Variants in ZNF212 observed in about 807,000 individuals in gnomAD.
The protein encoded by ZNF212 is zinc finger protein 212, also known as Zinc finger protein C2H2-150.
A neutral mutation model predicts 47.3 loss-of-function variants in ZNF212; 32 were observed. That is an observed-to-expected ratio of 0.68 (90% confidence interval 0.51 to 0.91). ZNF212 has a LOEUF of 0.91. ZNF212 is among the 40% of genes least tolerant of loss of function. The pLI is 0.00. For missense variants in ZNF212, 555 were observed against 622.8 expected, an observed-to-expected ratio of 0.89 and a Z score of 1.16; for synonymous variants, 242 against 253.8, an observed-to-expected ratio of 0.95 and a Z score of 0.44.
At chr7:149,240,671 TAAC>T (rs1445015809) in intron 1 of ZNF212, among the ~76,000 whole-genome samples, 1 of 152,206 alleles carries the variant, frequency 6.6e-6, no homozygotes, top group Non-Finnish European at 1.5e-5. Flanking sequence ...GTGGTTAATT[TAAC>T]AACACCAGAG....
At position 149,250,800 on chromosome 7, in the gene ZNF212, C is replaced by T; in HGVS notation, c.534C>T (p.Val178=). The stretch of plus-strand genomic sequence containing the variant: ...TGGAGAGTAACTATGAGACACTGGT[C>T]TCTCTGAGTGAGTAGCAGTTTTCTC... The part of the protein sequence containing the change: ...NVMESNYETL[V]SLKVLGQTEG... The change falls in exon 3 of 5, where the codon GTC becomes GTT. Residue 178 remains valine, a synonymous_variant. Coordinates refer to ENST00000335870, the MANE Select transcript of ZNF212 (RefSeq NM_012256.4). 1.9e-6 allele frequency: 3 copies of T among 1,614,182 alleles called. No individual in the cohort carries two copies. The highest frequency in any genetic ancestry group is 2.5e-6 in the Non-Finnish European group (3 of 1,180,040).
intron 1 of ZNF212, among the ~76,000 whole-genome samples, chr7:149,248,055 A>C (rs1796701827): frequency 6.6e-6 from 1 of 152,200 alleles, no homozygotes; most frequent in Non-Finnish European, 1.5e-5. Context: ...AACCCACTGT[A>C]GTGGGAACTA....
chr7:149,242,450 A>G (rs1796607658), intron 1 of ZNF212, among the ~76,000 whole-genome samples: 1 of 152,174 alleles, frequency 6.6e-6, no homozygotes, highest in African/African-American at 2.4e-5. Context: ...GTAGAATGAT[A>G]TTGTCAATAG....
intron 1 of ZNF212, among the ~76,000 whole-genome samples, chr7:149,241,610 G>T (rs985190252): frequency 6.6e-6 from 1 of 152,160 alleles, no homozygotes; most frequent in African/African-American, 2.4e-5. Context: ...AACTGAAAAT[G>T]CTGGAAAACC....
At chr7:149,241,903 C>G (rs1355385886) in intron 1 of ZNF212, among the ~76,000 whole-genome samples, 1 of 152,152 alleles carries the variant, frequency 6.6e-6, no homozygotes. Flanking sequence ...TAAGGTCTGA[C>G]CTTCAGATGA....
intron 1 of ZNF212, 92 bp from the exon 2 acceptor site, chr7:149,250,067 A>G: frequency 1.6e-6 from 2 of 1,246,762 alleles, no homozygotes; most frequent in Non-Finnish European, 2.1e-6. Context: ...ATTAAAAGAA[A>G]CTAGATAACT....
intron 1 of ZNF212, among the ~76,000 whole-genome samples, chr7:149,246,042 GTT>G (rs1796671505): frequency 6.6e-6 from 1 of 152,132 alleles, no homozygotes; most frequent in African/African-American, 2.4e-5. Context: ...AGGTGGTTGT[GTT>G]TTCATTTGTT....
At chr7:149,245,987 G>T (rs1796670596) in intron 1 of ZNF212, among the ~76,000 whole-genome samples, 1 of 152,148 alleles carries the variant, frequency 6.6e-6, no homozygotes, top group South Asian at 2.1e-4. Context: ...TCAGTCTGAT[G>T]GGTGAACGTG....
chr7:149,240,335 T>A (rs1023008013), intron 1 of ZNF212, among the ~76,000 whole-genome samples: 1 of 152,086 alleles, frequency 6.6e-6, no homozygotes, highest in African/African-American at 2.4e-5. Flanking sequence ...TTATCTACAG[T>A]GCAGTTGCTG....
rs1053298 is a variant in ZNF212 at position 149,254,901 on chromosome 7, G to T, written c.*486G>T. 62,762 of 153,510 alleles carry T rather than the reference G, an allele frequency of 0.41. 13,314 individuals carry two copies. Among genetic ancestry groups the T allele is most frequent in the African/African-American group, 0.5 (20,850 of 41,512 alleles). The allele number at this position is 153,510 out of a possible 1,614,324, so 9.5% of individuals were successfully genotyped here. On this transcript the variant is annotated 3_prime_UTR_variant, in exon 5 of 5. Transcript: ENST00000335870. This position sits in a 1 kb window ranked among gnomAD's most constrained non-coding sequence, Gnocchi z 4.5. ...ATGAACTGCTTAGCCCTGCTCTGAA[G>T]AACCTTTTTTGGAATTAGATTTTAG...
chr7:149,239,909 G>A (rs1258684414), intron 1 of ZNF212, 107 bp downstream of exon 1: 3 of 1,228,190 alleles, frequency 2.4e-6, no homozygotes, highest in Non-Finnish European at 3.1e-6. Flanking sequence ...TTGGTTTCCC[G>A]GGGCTGCCGT....
chr7:149,251,678 G>C (rs1044786359), intron 3 of ZNF212, among the ~76,000 whole-genome samples: 2 of 151,344 alleles, frequency 1.3e-5, no homozygotes, highest in African/African-American at 2.4e-5. Context: ...TTGTAGAGAC[G>C]TGGGTCTTAC....
intron 1 of ZNF212, among the ~76,000 whole-genome samples, chr7:149,247,545 A>G (rs1243385753): frequency 6.6e-6 from 1 of 152,224 alleles, no homozygotes; most frequent in Non-Finnish European, 1.5e-5. Context: ...TAAGCTATAT[A>G]GGAAAAATAC....
chr7:149,251,550 C>T (rs946283653), intron 3 of ZNF212, among the ~76,000 whole-genome samples: 1 of 133,896 alleles, frequency 7.5e-6, no homozygotes, highest in African/African-American at 2.9e-5. Flanking sequence ...TGCAGTGGTA[C>T]GATCTCGGCT....
At position 149,253,906 on chromosome 7, in the gene ZNF212, T is replaced by C; in HGVS notation, c.979T>C (p.Tyr327His). ...TTCTGAGTGTGAGATCACCTTCCGC[T>C]ATAAGCAGCAGCTGGCCACACATCT... The part of the protein sequence containing the change: ...ECSECEITFR[Y>H]KQQLATHLRS... Residue 327 changes from tyrosine (Y) to histidine (H), a missense_variant, in exon 5 of 5, where the codon TAT becomes CAT. Physicochemically the swap from Tyr to His is moderately conservative, Grantham distance 83 (BLOSUM62 2). Coordinates refer to ENST00000335870, the MANE Select transcript of ZNF212 (RefSeq NM_012256.4). 6.2e-7 allele frequency: 1 copy of C among 1,613,992 alleles called. No individual in the cohort carries two copies. The highest frequency in any genetic ancestry group is 8.5e-7 in the Non-Finnish European group (1 of 1,180,010).
intron 1 of ZNF212, 128 bp downstream of exon 1, chr7:149,239,930 G>T: frequency 9.1e-7 from 1 of 1,097,800 alleles, no homozygotes; most frequent in Non-Finnish European, 1.2e-6. Flanking sequence ...TGGCGCGGGT[G>T]AACGCGGACC....
chr7:149,241,069 A>G (rs908052294), intron 1 of ZNF212, among the ~76,000 whole-genome samples: 1 of 152,206 alleles, frequency 6.6e-6, no homozygotes. Flanking sequence ...ATTCTGCCAC[A>G]GTTCTTCCTG....
chr7:149,251,491 CTTTTTTTTTTTTT>C (rs71194634), intron 3 of ZNF212, among the ~76,000 whole-genome samples: 1 of 77,434 alleles, frequency 1.3e-5, no homozygotes, highest in Non-Finnish European at 2.4e-5. Flanking sequence ...CCTGTTTTAT[CTTTTTTTTTTTTT>C]TTTTTTTTTT....
At chr7:149,242,571 C>T (rs775221885) in intron 1 of ZNF212, among the ~76,000 whole-genome samples, 50 of 152,092 alleles carry the variant, frequency 3.3e-4, no homozygotes, top group Non-Finnish European at 6.0e-4. Context: ...AGTTTGCTAC[C>T]AATACACTCT....
Sources: gnomAD v4.1 joint callset for allele counts (sites outside exome capture counted in the v4.1 genomes callset) on GRCh38, gnomAD v4.1.1 for gene constraint, Gnocchi (gnomAD v3.1) non-coding constraint, MANE v1.5 for transcripts, NCBI Gene and HGNC (gene_info 2026-07-23, HGNC 2026-07-21) for gene names.